PSD3: variants seen among roughly 807,000 people sequenced by gnomAD.
PSD3 encodes PH and SEC7 domain-containing protein 3.
A neutral mutation model predicts 105.5 loss-of-function variants in PSD3; 49 were observed. The ratio of observed to expected loss-of-function variants is 0.46; its 90% CI spans 0.37 to 0.59. The LOEUF is 0.59. Among genes scored for constraint, PSD3 ranks in the 20% least tolerant of loss-of-function variants. The probability of loss-of-function intolerance (pLI) is 0.00; values close to 1 mark genes in which losing one functional copy is unlikely to be tolerated. For synonymous variants in PSD3, 557 were observed against 457.8 expected (o/e 1.22, Z -2.77); for missense variants, 1,561 against 1,263.8 (o/e 1.24, Z -3.57).
chr8:18,842,729 T>A (rs1256311871), intron 4 of PSD3, among the ~76,000 whole-genome samples: 1 of 136,506 alleles, frequency 7.3e-6, no homozygotes, highest in Non-Finnish European at 1.7e-5. Context: ...CGAGACTCCG[T>A]CTAAAAAAAA....
intron 2 of PSD3, among the ~76,000 whole-genome samples, chr8:18,889,994 T>C (rs543678938): frequency 6.6e-6 from 1 of 152,286 alleles, no homozygotes; most frequent in African/African-American, 2.4e-5. Context: ...TAAAGTAATA[T>C]AAACAGGCAA....
At chr8:18,633,475 T>G (rs141829555) in intron 10 of PSD3, among the ~76,000 whole-genome samples, 2 of 152,220 alleles carry the variant, frequency 1.3e-5, no homozygotes, top group Non-Finnish European at 2.9e-5. Context: ...GTGTACCCAA[T>G]GTTTAGCTTC....
At chr8:18,627,997 C>T (rs75944062) in intron 11 of PSD3, among the ~76,000 whole-genome samples, 2,502 of 151,358 alleles carry the variant, frequency 0.017, 49 homozygotes, top group East Asian at 0.087. Context: ...TAAAATAGAC[C>T]CAAGTTGAAC....
intron 1 of PSD3, among the ~76,000 whole-genome samples, chr8:19,044,600 C>T (rs552714756): frequency 2.0e-5 from 3 of 152,238 alleles, no homozygotes; most frequent in African/African-American, 7.2e-5. Context: ...TAAGTCATTC[C>T]ATAGTCCTTA....
chr8:18,554,678 C>T (rs945226392), intron 15 of PSD3, among the ~76,000 whole-genome samples: 1 of 152,044 alleles, frequency 6.6e-6, no homozygotes, highest in Non-Finnish European at 1.5e-5. Context: ...TGGAAATGAA[C>T]TTAGGCTCAT....
At chr8:18,856,607 T>C (rs185200704) in intron 4 of PSD3, among the ~76,000 whole-genome samples, 1 of 152,206 alleles carries the variant, frequency 6.6e-6, no homozygotes, top group Non-Finnish European at 1.5e-5. Context: ...CTAAAGACTT[T>C]ATAATATTAC....
intron 1 of PSD3, among the ~76,000 whole-genome samples, chr8:19,018,936 A>G (rs547188881): frequency 8.4e-4 from 128 of 152,284 alleles, no homozygotes; most frequent in African/African-American, 2.6e-3. Context: ...AGCTGGGACT[A>G]CAGGCGCACA....
chr8:18,653,332 T>A (rs540564513), intron 10 of PSD3, among the ~76,000 whole-genome samples: 1 of 151,214 alleles, frequency 6.6e-6, no homozygotes, highest in African/African-American at 2.4e-5. Flanking sequence ...GTAGTCTATG[T>A]ATATGCATAT....
chr8:18,539,440 G>A (rs1800026900), intron 15 of PSD3, among the ~76,000 whole-genome samples: 1 of 151,954 alleles, frequency 6.6e-6, no homozygotes. Context: ...CAGAGAAGAT[G>A]TGATTTGCAT....
chr8:18,936,429 T>C (rs1388893592), intron 1 of PSD3, among the ~76,000 whole-genome samples: 1 of 152,092 alleles, frequency 6.6e-6, no homozygotes, highest in Admixed American at 6.6e-5. Context: ...TTATGGTCGG[T>C]TTTTAAAAAA....
intron 2 of PSD3, among the ~76,000 whole-genome samples, chr8:18,899,632 C>T (rs1169051113): frequency 6.6e-6 from 1 of 151,984 alleles, no homozygotes; most frequent in African/African-American, 2.4e-5. Flanking sequence ...CACTGTTGAA[C>T]TCATAGAGTT....
At chr8:18,780,082 G>C (rs947649572) in intron 8 of PSD3, among the ~76,000 whole-genome samples, 10 of 152,126 alleles carry the variant, frequency 6.6e-5, no homozygotes, top group Non-Finnish European at 1.5e-4. Flanking sequence ...AATAATGTTT[G>C]CTTTCTATAT....
At chr8:18,834,679 C>T (rs184364035) in intron 4 of PSD3, among the ~76,000 whole-genome samples, 5 of 152,218 alleles carry the variant, frequency 3.3e-5, no homozygotes, top group Admixed American at 1.3e-4. Flanking sequence ...AACTAAGTGG[C>T]ATGGCACACC....
intron 1 of PSD3, among the ~76,000 whole-genome samples, chr8:19,006,825 A>C (rs1207601221): frequency 6.6e-6 from 1 of 152,112 alleles, no homozygotes; most frequent in African/African-American, 2.4e-5. Context: ...CTGGGCCTCC[A>C]AGACAGCTCT....
At chr8:19,058,847 G>T (rs1163922711) in intron 1 of PSD3, among the ~76,000 whole-genome samples, 1 of 152,180 alleles carries the variant, frequency 6.6e-6, no homozygotes, top group Non-Finnish European at 1.5e-5. Flanking sequence ...TGAGGATGTT[G>T]TCATTGTTCT....
At chr8:18,748,633 C>T (rs917028533) in intron 9 of PSD3, among the ~76,000 whole-genome samples, 29 of 142,756 alleles carry the variant, frequency 2.0e-4, no homozygotes, top group African/African-American at 7.7e-4. Context: ...GCACTCCAGC[C>T]TGGGCGACAG....
rs144578526 is a variant in PSD3 at position 18,827,406 on chromosome 8, G to C, written c.1635-22508C>G. On this transcript the variant is annotated intron_variant, in intron 4 of 15. Coordinates refer to ENST00000327040, the MANE Select transcript of PSD3 (RefSeq NM_015310.4). ...AGCAGTGCAAGAGCCAATGTCACTA[G>C]ACTACAGGGTGCGAAGATGGGGCAG... is the stretch of plus-strand genomic sequence containing the variant. 5.7e-3 allele frequency among the ~76,000 whole-genome samples: 864 copies of C among 152,294 alleles called. 16 individuals are homozygous for C. The highest frequency in any genetic ancestry group is 0.02 in the African/African-American group (820 of 41,564).
chr8:18,849,414 G>C (rs184875302), intron 4 of PSD3: 2 of 152,242 alleles, frequency 1.3e-5, no homozygotes, highest in Non-Finnish European at 2.9e-5. Flanking sequence ...CTCTTCAGTC[G>C]CTCATATCAG....
At chr8:18,862,047 G>A (rs1207735998) in intron 4 of PSD3, among the ~76,000 whole-genome samples, 4 of 152,142 alleles carry the variant, frequency 2.6e-5, no homozygotes, top group East Asian at 1.9e-4. Flanking sequence ...GTCCATGGCC[G>A]AGTGGCAGAA....
Sources: gnomAD v4.1 joint callset for allele counts (sites outside exome capture counted in the v4.1 genomes callset) on GRCh38, gnomAD v4.1.1 for gene constraint, MANE v1.5 for transcripts, NCBI Gene and HGNC (gene_info 2026-07-23, HGNC 2026-07-21) for gene names.